The following AMBRA1 variants were observed in gnomAD, a reference collection of about 807,000 sequenced individuals.
AMBRA1 encodes autophagy and beclin 1 regulator 1.
In AMBRA1, 47 loss-of-function variants were observed where a neutral mutation model predicts 125.4. That is an observed-to-expected ratio of 0.37 (90% CI 0.30 to 0.48). AMBRA1 has a LOEUF of 0.48. Among genes scored for constraint, AMBRA1 ranks in the 20% least tolerant of loss-of-function variants. The pLI is 0.99. For missense variants in AMBRA1, 1,331 were observed against 1,693.4 expected (o/e 0.79, Z 3.76); for synonymous variants, 626 against 655.5 (o/e 0.95, Z 0.69).
intron 11 of AMBRA1, among the ~76,000 whole-genome samples, chr11:46,458,350 A>G (rs1565179737): frequency 6.6e-6 from 1 of 152,124 alleles, no homozygotes; most frequent in Non-Finnish European, 1.5e-5. Flanking sequence ...CTCCTCCCAG[A>G]AGCTTTCCTG....
chr11:46,429,073 A>T, intron 14 of AMBRA1: 2 of 1,610,232 alleles, frequency 1.2e-6, no homozygotes, highest in Non-Finnish European at 1.7e-6. Context: ...GCATGTGGAC[A>T]TCCTTCTTGG....
chr11:46,560,240 G>C (rs757154026), intron 1 of AMBRA1, among the ~76,000 whole-genome samples: 1 of 152,162 alleles, frequency 6.6e-6, no homozygotes, highest in African/African-American at 2.4e-5. Context: ...ACAGGCAGCA[G>C]CATTAGTTTT....
chr11:46,465,889 G>A (rs1949302633), intron 11 of AMBRA1, among the ~76,000 whole-genome samples: 1 of 152,144 alleles, frequency 6.6e-6, no homozygotes, highest in Admixed American at 6.5e-5. Context: ...AGCATGCTGT[G>A]CCAACCAGCG....
Position 46,586,784 on chromosome 11 carries a change from T to C in AMBRA1, c.-121+7044A>G, listed in dbSNP as rs551958786. Among the ~76,000 whole-genome samples, 62 of 152,272 alleles carry C rather than the reference T, an allele frequency of 4.1e-4. 1 individual carries two copies. Among genetic ancestry groups the C allele is most frequent in the African/African-American group, 1.4e-3 (59 of 41,566 alleles). ...GACTAAGTAACTTGCCCAAGTTGTA[T>C]AGCTAGTAAGCAGGGGTGCTGGAAT... On this transcript the variant is annotated intron_variant, in intron 1 of 17. Transcript: ENST00000683756.
At chr11:46,574,385 G>A (rs797001359) in intron 1 of AMBRA1, among the ~76,000 whole-genome samples, 6 of 151,462 alleles carry the variant, frequency 4.0e-5, no homozygotes, top group South Asian at 2.1e-4. Flanking sequence ...GTATCTCATT[G>A]TGGTTTTGAT....
chr11:46,500,835 A>C (rs535831748), intron 9 of AMBRA1, among the ~76,000 whole-genome samples: 2 of 152,210 alleles, frequency 1.3e-5, no homozygotes, highest in Non-Finnish European at 2.9e-5. Context: ...CCTCTCCCCA[A>C]ATACTCTCTC....
intron 9 of AMBRA1, among the ~76,000 whole-genome samples, chr11:46,503,760 G>A (rs1265842198): frequency 1.3e-5 from 2 of 152,150 alleles, no homozygotes; most frequent in Non-Finnish European, 2.9e-5. Context: ...TCATCTTAAG[G>A]CTAAAAGACT....
intron 1 of AMBRA1, among the ~76,000 whole-genome samples, chr11:46,552,230 G>C (rs928559912): frequency 2.7e-5 from 4 of 149,258 alleles, no homozygotes; most frequent in Non-Finnish European, 5.9e-5. Flanking sequence ...TTAGCCGGGC[G>C]TGGTGGTGCA....
intron 7 of AMBRA1, among the ~76,000 whole-genome samples, chr11:46,519,927 G>A (rs1258272732): frequency 2.0e-5 from 3 of 152,040 alleles, no homozygotes; most frequent in Admixed American, 1.3e-4. Context: ...ATCACCTGAG[G>A]TTGGGAGTTC....
At position 46,593,706 on chromosome 11, in the gene AMBRA1, A is replaced by G. The variant is rs910810225; in HGVS notation, c.-121+122T>C. On this transcript the variant is annotated intron_variant, in intron 1 of 17. Coordinates refer to ENST00000683756, the MANE Select transcript of AMBRA1 (RefSeq NM_001387011.1). The stretch of plus-strand genomic sequence containing the variant: ...GCCGCGCCCCTCAACGCAGTCCGGT[A>G]GCCCCTCCTCTGGCAGTGTCACGGC... 1.1e-5 allele frequency: 4 copies of G among 368,278 alleles called. No homozygotes were observed. In the Admixed American group the frequency reaches 1.4e-4, roughly 13 times the overall value. The allele number at this position is 368,278 out of a possible 1,614,324, so 22.8% of individuals were successfully genotyped here.
At chr11:46,409,899 TACAGCCCTGG>T (rs1395083655) in intron 16 of AMBRA1, among the ~76,000 whole-genome samples, 2 of 152,244 alleles carry the variant, frequency 1.3e-5, no homozygotes, top group East Asian at 3.9e-4. Flanking sequence ...GTCCCTGGGC[TACAGCCCTGG>T]GCAGCTTGGT....
intron 1 of AMBRA1, among the ~76,000 whole-genome samples, chr11:46,567,468 G>C (rs962670295): frequency 5.9e-5 from 9 of 152,070 alleles, no homozygotes; most frequent in Non-Finnish European, 1.2e-4. Context: ...CCGAGTTCAA[G>C]CAGTCCTCTG....
At chr11:46,443,627 A>G (rs1948123310) in intron 11 of AMBRA1, 29 bp from the exon 12 acceptor site, 3 of 1,563,056 alleles carry the variant, frequency 1.9e-6, no homozygotes, top group Middle Eastern at 1.7e-4. Context: ...AAGACAGCAC[A>G]TTATATTATT....
chr11:46,433,545 G>C lies in AMBRA1; in HGVS notation c.2905C>G (p.Pro969Ala). Residue 969 changes from proline to alanine, a missense_variant, in exon 14 of 18, where the codon CCC becomes GCC. Coordinates refer to ENST00000683756, the MANE Select transcript of AMBRA1 (RefSeq NM_001387011.1). ...GLASRRILLH[P>A]STEHMVAQVF... The stretch of plus-strand genomic sequence containing the variant: ...TGGGCCACCATGTGCTCTGTGGAGG[G>C]GTGCAGCAGGATCCTTCGTGAGGCC... 6.2e-7 allele frequency: 1 copy of C among 1,614,170 alleles called. No individual in the cohort carries two copies. Among genetic ancestry groups the C allele is most frequent in the South Asian group, 1.1e-5 (1 of 91,070 alleles).
At chr11:46,407,623 T>G (rs1216575757) in intron 17 of AMBRA1, among the ~76,000 whole-genome samples, 1 of 152,234 alleles carries the variant, frequency 6.6e-6, no homozygotes, top group Non-Finnish European at 1.5e-5. Context: ...GACTTCACTT[T>G]GAAAATTCTC....
At chr11:46,463,426 T>C (rs1949186404) in intron 11 of AMBRA1, among the ~76,000 whole-genome samples, 2 of 152,214 alleles carry the variant, frequency 1.3e-5, no homozygotes, top group Non-Finnish European at 2.9e-5. Context: ...AGTAACTCCA[T>C]ATTAATTAAA....
intron 1 of AMBRA1, among the ~76,000 whole-genome samples, chr11:46,592,563 G>A (rs1206290634): frequency 2.0e-5 from 3 of 152,034 alleles, no homozygotes; most frequent in Non-Finnish European, 4.4e-5. Flanking sequence ...TTCAAGACCA[G>A]CCTGGCCAAC....
chr11:46,453,637 AT>A (rs1948722256), intron 11 of AMBRA1, among the ~76,000 whole-genome samples: 1 of 152,222 alleles, frequency 6.6e-6, no homozygotes, highest in African/African-American at 2.4e-5. Context: ...TGTATTATCT[AT>A]AGCTGAAATA....
At chr11:46,478,967 G>C (rs947663272) in intron 11 of AMBRA1, among the ~76,000 whole-genome samples, 2 of 152,212 alleles carry the variant, frequency 1.3e-5, no homozygotes, top group Non-Finnish European at 2.9e-5. Context: ...GGGAGGCCAA[G>C]GTGGTAGGAT....
Sources: allele counts gnomAD v4.1 joint callset (sites outside exome capture counted in the v4.1 genomes callset), GRCh38; gene constraint gnomAD v4.1.1; transcripts MANE v1.5; gene names NCBI Gene and HGNC (gene_info 2026-07-23, HGNC 2026-07-21).